The following CNTN5 variants were observed in gnomAD, a reference collection of about 807,000 sequenced individuals.
CNTN5 encodes the protein contactin 5.
Under a neutral mutation model 129.1 loss-of-function variants are expected in CNTN5, and 77 were observed. The observed-to-expected ratio is 0.60, with a 90% CI of 0.50 to 0.72. The LOEUF (loss-of-function observed/expected upper bound fraction) is 0.72. Ranked by LOEUF, CNTN5 falls within the 30% of genes least tolerant of loss-of-function variation. The pLI is 0.00. For synonymous variants in CNTN5, 509 were observed against 465.6 expected (o/e 1.09, Z -1.20); for missense variants, 1,478 against 1,328.8 (o/e 1.11, Z -1.75).
chr11:99,518,078 T>C (rs531759348), intron 2 of CNTN5, among the ~76,000 whole-genome samples: 7 of 152,278 alleles, frequency 4.6e-5, no homozygotes, highest in African/African-American at 1.7e-4. Flanking sequence ...GACCTTCTTT[T>C]AGAGTTTTAT....
intron 1 of CNTN5, among the ~76,000 whole-genome samples, chr11:99,156,921 T>C (rs564184522): frequency 6.6e-6 from 1 of 152,124 alleles, no homozygotes; most frequent in South Asian, 2.1e-4. Flanking sequence ...GTATACAGAG[T>C]ATAACTGAGA....
chr11:100,185,002 T>G (rs1948254166), intron 13 of CNTN5, among the ~76,000 whole-genome samples: 1 of 145,822 alleles, frequency 6.9e-6, no homozygotes, highest in African/African-American at 2.5e-5. Context: ...TCTTCCCACC[T>G]TGGCGCTCTC....
chr11:99,534,590 T>G (rs2135478070), intron 2 of CNTN5, among the ~76,000 whole-genome samples: 1 of 152,332 alleles, frequency 6.6e-6, no homozygotes, highest in African/African-American at 2.4e-5. Context: ...CATACAAAAA[T>G]ACTGAGTGTT....
At chr11:99,189,918 C>T (rs1028697992) in intron 1 of CNTN5, among the ~76,000 whole-genome samples, 34 of 151,406 alleles carry the variant, frequency 2.2e-4, no homozygotes, top group Admixed American at 1.1e-3. Context: ...TGATGTAATC[C>T]CATTTTTCTA....
At chr11:99,851,374 A>G (rs566430203) in intron 6 of CNTN5, among the ~76,000 whole-genome samples, 4 of 152,300 alleles carry the variant, frequency 2.6e-5, no homozygotes, top group South Asian at 4.1e-4. Context: ...TTGACAAAAG[A>G]TATTTTATTC....
intron 3 of CNTN5, among the ~76,000 whole-genome samples, chr11:99,682,882 C>G (rs1394889322): frequency 6.6e-6 from 1 of 151,948 alleles, no homozygotes; most frequent in East Asian, 1.9e-4. Flanking sequence ...TCATAAGTTA[C>G]ATAAAACATT....
chr11:99,511,664 TTG>T (rs1465533278), intron 2 of CNTN5, among the ~76,000 whole-genome samples: 1 of 151,766 alleles, frequency 6.6e-6, no homozygotes, highest in African/African-American at 2.4e-5. Flanking sequence ...CCCATTATTA[TTG>T]TGTGGGAATC....
In CNTN5 at chr11:99,845,213, C is replaced by A. The variant is rs201262648; in HGVS notation, c.528C>A (p.Thr176=). 3.0e-5 allele frequency: 49 copies of A among 1,613,250 alleles called. No individual in the cohort carries two copies. The highest frequency in any genetic ancestry group is 4.1e-5 in the Non-Finnish European group (48 of 1,179,552). ...CTGGTCATTATCAGTGTTTAGCAAC[C>A]AACACTGTGGGGAGTATTCTTAGTA... ...KDSGHYQCLA[T]NTVGSILSRE... Residue 176 remains threonine (T), a synonymous_variant, in exon 6 of 25, where the codon ACC becomes ACA. Coordinates refer to ENST00000524871, the MANE Select transcript of CNTN5 (RefSeq NM_014361.4).
intron 16 of CNTN5, among the ~76,000 whole-genome samples, chr11:100,228,273 C>A (rs887117813): frequency 2.8e-4 from 43 of 152,142 alleles, no homozygotes; most frequent in African/African-American, 9.9e-4. Flanking sequence ...CAAACTTGAA[C>A]AATTTTCACT....
intron 8 of CNTN5, among the ~76,000 whole-genome samples, chr11:99,961,219 A>AAAAAAAC (rs1950937492): frequency 6.9e-6 from 1 of 145,720 alleles, no homozygotes; most frequent in Non-Finnish European, 1.5e-5. Flanking sequence ...AAAAAAAAAA[A>AAAAAAAC]AAAAAACAGT....
intron 13 of CNTN5, among the ~76,000 whole-genome samples, chr11:100,125,264 T>A (rs1946146892): frequency 6.6e-6 from 1 of 152,084 alleles, no homozygotes; most frequent in Non-Finnish European, 1.5e-5. Flanking sequence ...GTGATATGAT[T>A]GATTCTGTCA....
intron 1 of CNTN5, among the ~76,000 whole-genome samples, chr11:99,112,316 G>T (rs1355548373): frequency 6.6e-6 from 1 of 151,838 alleles, no homozygotes; most frequent in African/African-American, 2.4e-5. Context: ...ATAAATAAGG[G>T]ATTCTTAATC....
intron 1 of CNTN5, among the ~76,000 whole-genome samples, chr11:99,242,249 T>C (rs1225387199): frequency 2.0e-5 from 3 of 152,166 alleles, no homozygotes; most frequent in Non-Finnish European, 1.5e-5. Context: ...TAATTTGGTA[T>C]CAATTAGTAT....
At chr11:99,524,697 A>G (rs950443585) in intron 2 of CNTN5, among the ~76,000 whole-genome samples, 1 of 151,896 alleles carries the variant, frequency 6.6e-6, no homozygotes, top group Non-Finnish European at 1.5e-5. Context: ...CAGCTACTCG[A>G]GAGGCTTAGG....
intron 13 of CNTN5, among the ~76,000 whole-genome samples, chr11:100,172,733 T>C (rs1287279993): frequency 2.0e-5 from 3 of 151,682 alleles, no homozygotes; most frequent in African/African-American, 7.3e-5. Context: ...GAATGGAAAA[T>C]AGGATGGATA....
At chr11:99,138,392 T>C (rs1324071756) in intron 1 of CNTN5, among the ~76,000 whole-genome samples, 1 of 152,178 alleles carries the variant, frequency 6.6e-6, no homozygotes, top group African/African-American at 2.4e-5. Flanking sequence ...CATTTGGCAG[T>C]TATGTTAAGT....
intron 2 of CNTN5, among the ~76,000 whole-genome samples, chr11:99,539,084 G>A (rs1405745348): frequency 2.6e-5 from 4 of 151,990 alleles, no homozygotes; most frequent in African/African-American, 7.2e-5. Context: ...AACCTCAGGA[G>A]ATATGCAAGC....
intron 9 of CNTN5, among the ~76,000 whole-genome samples, chr11:100,026,820 T>G (rs1941443414): frequency 6.6e-6 from 1 of 152,168 alleles, no homozygotes; most frequent in East Asian, 1.9e-4. Flanking sequence ...ACTTAGTTTG[T>G]GGCTTGTCTT....
intron 1 of CNTN5, among the ~76,000 whole-genome samples, chr11:99,040,900 T>G (rs949944657): frequency 1.3e-5 from 2 of 152,258 alleles, no homozygotes; most frequent in Admixed American, 6.5e-5. Context: ...TAGTCACAAT[T>G]TTAGGGCTCA....
Sources: allele counts gnomAD v4.1 joint callset (sites outside exome capture counted in the v4.1 genomes callset), GRCh38; gene constraint gnomAD v4.1.1; transcripts MANE v1.5; gene names NCBI Gene and HGNC (gene_info 2026-07-23, HGNC 2026-07-21).